Variants in PHLDB2 observed in about 807,000 individuals in gnomAD.
PHLDB2 encodes the protein pleckstrin homology like domain family B member 2.
PHLDB2 carries 71 observed loss-of-function variants against 123.6 expected under a neutral mutation model. That is an observed-to-expected ratio of 0.57 (90% confidence interval 0.47 to 0.70). PHLDB2 has a LOEUF of 0.70. Ranked by LOEUF, PHLDB2 falls within the 30% of genes least tolerant of loss-of-function variation. PHLDB2 has a pLI of 0.00. For synonymous variants in PHLDB2, 547 were observed against 541.6 expected (o/e 1.01, Z -0.14); for missense variants, 1,446 against 1,519.5 (o/e 0.95, Z 0.80).
chr3:111,798,589 G>T (rs1173780339), intron 1 of PHLDB2, among the ~76,000 whole-genome samples: 1 of 151,890 alleles, frequency 6.6e-6, no homozygotes, highest in East Asian at 1.9e-4. Context: ...GAGGCAGGAG[G>T]ATCACTTGAG....
chr3:111,881,532 A>G (rs2065925818), intron 1 of PHLDB2, among the ~76,000 whole-genome samples: 1 of 152,220 alleles, frequency 6.6e-6, no homozygotes, highest in Non-Finnish European at 1.5e-5. Context: ...AGTTCACTGC[A>G]GTAGCAACAG....
chr3:111,838,092 A>G (rs1040795565), intron 1 of PHLDB2, among the ~76,000 whole-genome samples: 1 of 152,094 alleles, frequency 6.6e-6, no homozygotes, highest in South Asian at 2.1e-4. Context: ...TACTGAACCT[A>G]CCAACACAGA....
intron 1 of PHLDB2, among the ~76,000 whole-genome samples, chr3:111,844,019 A>T (rs140829721): frequency 3.7e-3 from 569 of 152,238 alleles, no homozygotes; most frequent in African/African-American, 0.013. Flanking sequence ...ATAGCTGTTG[A>T]CCTACATTGG....
At chr3:111,752,895 G>A (rs1288247489) in intron 1 of PHLDB2, among the ~76,000 whole-genome samples, 4 of 151,466 alleles carry the variant, frequency 2.6e-5, no homozygotes, top group Non-Finnish European at 5.9e-5. Context: ...GAGAATATGC[G>A]GTGTTTGGTT....
In PHLDB2 at chr3:111,859,856, C is replaced by A. The variant is rs762546890; in HGVS notation, c.-15+280C>A. 4.1e-6 allele frequency: 4 copies of A among 985,722 alleles called. No homozygotes were observed. The African/African-American group carries it at 5.2e-5, about 13-fold the overall frequency. The allele number at this position is 985,722 out of a possible 1,614,324, so 61.1% of individuals were successfully genotyped here. On this transcript the variant is annotated intron_variant, in intron 1 of 17. Coordinates refer to ENST00000431670, the MANE Select transcript of PHLDB2 (RefSeq NM_001134438.2). ...GGGCGGCGGCGCCAGCGTAGAGCGG[C>A]GGTTTGGAGGAAAGATGAGACGGTG...
chr3:111,909,131 C>A (rs1475164394), intron 2 of PHLDB2, among the ~76,000 whole-genome samples: 1 of 152,134 alleles, frequency 6.6e-6, no homozygotes, highest in Admixed American at 6.5e-5. Flanking sequence ...AATGCCCTGC[C>A]CACCCCACTG....
intron 2 of PHLDB2, among the ~76,000 whole-genome samples, chr3:111,900,960 G>A (rs554972353): frequency 1.3e-4 from 20 of 151,946 alleles, no homozygotes; most frequent in African/African-American, 4.6e-4. Flanking sequence ...GGCTTCAAGC[G>A]ATCCTCCTGC....
chr3:111,814,651 G>C (rs1442542723), intron 1 of PHLDB2, among the ~76,000 whole-genome samples: 1 of 151,622 alleles, frequency 6.6e-6, no homozygotes, highest in Admixed American at 6.6e-5. Flanking sequence ...AAAGCAGAGA[G>C]GTGGGGGTTG....
rs752500653 is a variant in PHLDB2 at position 111,885,327 on chromosome 3, G to A, written c.1250G>A (p.Ser417Asn). Reference protein sequence around the residue: ...PALRERKSSISSISGRDDLMD... With the variant: ...PALRERKSSINSISGRDDLMD... ...CTTCGGGAACGGAAAAGCAGTATTAGCTCCATTTCAGGACGTGATGACCTG... is the reference window on the plus strand; with the variant it reads ...CTTCGGGAACGGAAAAGCAGTATTAACTCCATTTCAGGACGTGATGACCTG... The change falls in exon 2 of 18, where the codon AGC becomes AAC. Residue 417 changes from serine to asparagine, a missense_variant. This residue lies in a region of PHLDB2 where 832 missense variants were observed against 831.9 expected (regional missense o/e 1.00). Transcript: ENST00000431670. 1 of 1,614,168 alleles carries A rather than the reference G, an allele frequency of 6.2e-7. No homozygotes were observed. The highest frequency in any genetic ancestry group is 1.1e-5 in the South Asian group (1 of 91,090).
chr3:111,831,683 T>C (rs2063045431), intron 1 of PHLDB2, among the ~76,000 whole-genome samples: 1 of 152,184 alleles, frequency 6.6e-6, no homozygotes, highest in South Asian at 2.1e-4. Context: ...GGGATATCTA[T>C]CTGTATCTAT....
chr3:111,939,778 T>TTG, intron 7 of PHLDB2, 148 bp downstream of exon 7: 1 of 721,546 alleles, frequency 1.4e-6, no homozygotes, highest in Middle Eastern at 3.6e-4. Context: ...TTAGACAAAT[T>TTG]GAGACATATT....
intron 1 of PHLDB2, among the ~76,000 whole-genome samples, chr3:111,818,814 AC>A (rs1468435809): frequency 6.6e-6 from 1 of 152,078 alleles, no homozygotes; most frequent in Non-Finnish European, 1.5e-5. Context: ...AACCCCTTGA[AC>A]CTTGGTCACT....
intron 1 of PHLDB2, chr3:111,845,756 C>T: frequency 6.3e-7 from 1 of 1,577,302 alleles, no homozygotes; most frequent in Non-Finnish European, 8.7e-7. Flanking sequence ...TTCTGTTGAC[C>T]TTGAGTTTTC....
chr3:111,892,033 T>TGTAG (rs1419633871), intron 2 of PHLDB2, among the ~76,000 whole-genome samples: 1 of 152,214 alleles, frequency 6.6e-6, no homozygotes, highest in East Asian at 1.9e-4. Flanking sequence ...CTGTAGTGCC[T>TGTAG]TGGTAAATAG....
At chr3:111,896,282 T>G (rs1252847268) in intron 2 of PHLDB2, among the ~76,000 whole-genome samples, 4 of 152,166 alleles carry the variant, frequency 2.6e-5, no homozygotes, top group Non-Finnish European at 4.4e-5. Context: ...AGCTATTTAT[T>G]GAGCTACCAT....
intron 1 of PHLDB2, among the ~76,000 whole-genome samples, chr3:111,754,806 T>A (rs1398460188): frequency 2.7e-5 from 4 of 147,648 alleles, no homozygotes; most frequent in Non-Finnish European, 6.0e-5. Flanking sequence ...ATAGCTCTTA[T>A]TATTTTGAGA....
At chr3:111,955,144 G>GATTGATATATAT (rs1553754361) in intron 12 of PHLDB2, among the ~76,000 whole-genome samples, 4 of 145,300 alleles carry the variant, frequency 2.8e-5, no homozygotes, top group African/African-American at 1.0e-4. Context: ...ATGTATATAT[G>GATTGATATATAT]ATATATATAT....
chr3:111,884,849 A>G lies in PHLDB2; in HGVS notation c.772A>G (p.Arg258Gly). 1.9e-6 allele frequency: 3 copies of G among 1,614,202 alleles called. No individual in the cohort carries two copies. The highest frequency in any genetic ancestry group is 2.5e-6 in the Non-Finnish European group (3 of 1,180,034). Residue 258 changes from arginine to glycine, a missense_variant, in exon 2 of 18, where the codon AGG (arginine) becomes GGG (glycine). This residue lies in a region of PHLDB2 where 832 missense variants were observed against 831.9 expected (regional missense o/e 1.00). Transcript: ENST00000431670. ...HMGAYSRSLP[R>G]LYRATENQLT... ...GGGAGCCTACAGCCGATCACTTCCC[A>G]GGTTGTACAGAGCCACAGAGAACCA...
At chr3:111,862,468 T>C (rs57784706) in intron 1 of PHLDB2, among the ~76,000 whole-genome samples, 5,691 of 152,268 alleles carry the variant, frequency 0.037, 358 homozygotes, top group African/African-American at 0.13. Flanking sequence ...TATTTTTGGT[T>C]GTAGCAACTG....
Sources: allele counts gnomAD v4.1 joint callset (sites outside exome capture counted in the v4.1 genomes callset), GRCh38; gene constraint gnomAD v4.1.1; regional missense constraint gnomAD v4.1.1; transcripts MANE v1.5; gene names NCBI Gene and HGNC (gene_info 2026-07-23, HGNC 2026-07-21).